Variants in KCNJ4 observed in about 807,000 individuals in gnomAD.
The protein encoded by KCNJ4 is potassium inwardly rectifying channel subfamily J member 4.
In KCNJ4, 3 loss-of-function variants were observed where a neutral mutation model predicts 25.6. That is an observed-to-expected ratio of 0.12 (90% confidence interval 0.05 to 0.30). The LOEUF (loss-of-function observed/expected upper bound fraction) is 0.30. KCNJ4 is among the 10% of genes least tolerant of loss of function. The pLI is 1.00. For synonymous variants in KCNJ4, 257 were observed against 283.9 expected, an observed-to-expected ratio of 0.91 and a Z score of 0.95; for missense variants, 286 against 666.8, an observed-to-expected ratio of 0.43 and a Z score of 6.29.
intron 1 of KCNJ4, among the ~76,000 whole-genome samples, chr22:38,429,459 G>T (rs2093042835): frequency 6.6e-6 from 1 of 152,192 alleles, no homozygotes; most frequent in Admixed American, 6.5e-5. Flanking sequence ...CACACCTCGG[G>T]CAATTCAGTT....
At chr22:38,432,346 T>C (rs1196887013) in intron 1 of KCNJ4, among the ~76,000 whole-genome samples, 3 of 152,076 alleles carry the variant, frequency 2.0e-5, no homozygotes, top group Admixed American at 2.0e-4. Flanking sequence ...TTTATCCCTA[T>C]GATTAAACCA....
chr22:38,442,086 G>A (rs184255498), intron 1 of KCNJ4, among the ~76,000 whole-genome samples: 1 of 152,250 alleles, frequency 6.6e-6, no homozygotes, highest in Non-Finnish European at 1.5e-5. Context: ...CTGCTCCGGG[G>A]AGGGAAAGCA....
intron 1 of KCNJ4, among the ~76,000 whole-genome samples, chr22:38,438,340 A>C (rs1035198710): frequency 1.4e-4 from 21 of 149,280 alleles, no homozygotes; most frequent in African/African-American, 4.7e-4. Context: ...GCAGAGGTTG[A>C]GGTCGTGCCA....
chr22:38,445,076 T>C lies in KCNJ4; in HGVS notation c.-40+9904A>G, dbSNP rs552910248. Among the ~76,000 whole-genome samples the C allele has an allele frequency of 4.0e-5, 6 of 151,608 alleles. No homozygotes were observed. The East Asian group carries it at 9.7e-4, about 25-fold the overall frequency. On this transcript the variant is annotated intron_variant, in intron 1 of 1. Coordinates refer to ENST00000303592, the MANE Select transcript of KCNJ4 (RefSeq NM_152868.3). The stretch of plus-strand genomic sequence containing the variant: ...GTGTGCGTGCATGCGTGTGTGTGCG[T>C]GTGTGTGTGTGAAAGGGCATAAAGA...
intron 1 of KCNJ4, among the ~76,000 whole-genome samples, chr22:38,453,515 C>T (rs1341208073): frequency 2.0e-5 from 3 of 152,300 alleles, no homozygotes; most frequent in South Asian, 4.1e-4. Context: ...CCCACGCCCA[C>T]CTCCACCCAC....
chr22:38,442,744 C>A (rs2089345519), intron 1 of KCNJ4, among the ~76,000 whole-genome samples: 1 of 152,030 alleles, frequency 6.6e-6, no homozygotes. Context: ...AGAAGCCTTT[C>A]TTTCTTTTTT....
rs201849924 is a variant in KCNJ4 at position 38,427,014 on chromosome 22, G to A, written c.1119C>T (p.Tyr373=). ...APPPPPSAFC[Y]ENELALMSQE... ...GGCTCATAAGGGCCAGCTCGTTCTC[G>A]TAGCAGAAGGCACTGGGAGGGGGCG... Residue 373 remains tyrosine, a synonymous_variant, in exon 2 of 2, where the codon TAC becomes TAT. Transcript: ENST00000303592. 8.8e-5 allele frequency: 142 copies of A among 1,612,636 alleles called. No homozygotes were observed. In the African/African-American group the frequency reaches 8.9e-4, roughly 10 times the overall value.
Position 38,450,570 on chromosome 22 carries a change from A to C in KCNJ4, c.-40+4410T>G, listed in dbSNP as rs2089404676. On this transcript the variant is annotated intron_variant, in intron 1 of 1. Coordinates refer to ENST00000303592, the MANE Select transcript of KCNJ4 (RefSeq NM_152868.3). ...CCTAGCTTGGAGCCAGCCCTCTCTCAGCCCTCTGCATTCCCGACCTCACAC... is the reference window on the plus strand; with the variant it reads ...CCTAGCTTGGAGCCAGCCCTCTCTCCGCCCTCTGCATTCCCGACCTCACAC... Among the ~76,000 whole-genome samples, 5 of 152,154 alleles carry C rather than the reference A, an allele frequency of 3.3e-5. No individual in the cohort carries two copies. The South Asian group carries it at 1.0e-3, about 32-fold the overall frequency.
intron 1 of KCNJ4, among the ~76,000 whole-genome samples, chr22:38,433,338 C>T (rs1321548939): frequency 6.6e-5 from 10 of 151,928 alleles, no homozygotes; most frequent in Non-Finnish European, 1.5e-4. Context: ...CCCAGCTACT[C>T]GGGAGGCTGA....
chr22:38,446,720 T>G (rs1452617357), intron 1 of KCNJ4, among the ~76,000 whole-genome samples: 1 of 152,106 alleles, frequency 6.6e-6, no homozygotes, highest in Non-Finnish European at 1.5e-5. Flanking sequence ...TTTGGGAGGC[T>G]GAGGTGGATG....
intron 1 of KCNJ4, among the ~76,000 whole-genome samples, chr22:38,436,899 A>T (rs1050878954): frequency 9.8e-5 from 15 of 152,336 alleles, no homozygotes; most frequent in Middle Eastern, 3.4e-3. Flanking sequence ...CTAACAAGGC[A>T]TGCTACTGTC....
chr22:38,445,143 A>C (rs1482702432), intron 1 of KCNJ4, among the ~76,000 whole-genome samples: 1 of 152,034 alleles, frequency 6.6e-6, no homozygotes, highest in Non-Finnish European at 1.5e-5. Context: ...GGGCACAAGG[A>C]CAGAGCAGGG....
intron 1 of KCNJ4, among the ~76,000 whole-genome samples, chr22:38,432,188 A>G (rs196063): frequency 0.19 from 28,498 of 151,256 alleles, 5,188 homozygotes; most frequent in African/African-American, 0.48. Flanking sequence ...CCTGGGAGGC[A>G]GAGGTTGCAG....
intron 1 of KCNJ4, among the ~76,000 whole-genome samples, chr22:38,451,145 C>T (rs1489322920): frequency 4.6e-5 from 7 of 152,200 alleles, no homozygotes; most frequent in Admixed American, 1.3e-4. Flanking sequence ...CGCTGGGAAG[C>T]GGGGAAGCGA....
At chr22:38,436,414 C>T (rs970657447) in intron 1 of KCNJ4, among the ~76,000 whole-genome samples, 1 of 152,188 alleles carries the variant, frequency 6.6e-6, no homozygotes, top group Non-Finnish European at 1.5e-5. Flanking sequence ...GGTGCTGTTC[C>T]ACACAGAGCT....
chr22:38,442,353 C>A (rs1238995619), intron 1 of KCNJ4, among the ~76,000 whole-genome samples: 3 of 151,968 alleles, frequency 2.0e-5, no homozygotes, highest in Non-Finnish European at 4.4e-5. Context: ...TCGAGACCAT[C>A]CTGGCTAACA....
At chr22:38,444,477 C>T (rs939725066) in intron 1 of KCNJ4, among the ~76,000 whole-genome samples, 8 of 152,220 alleles carry the variant, frequency 5.3e-5, no homozygotes, top group African/African-American at 1.7e-4. Context: ...GACAGGATGT[C>T]AGAGGGCTCA....
intron 1 of KCNJ4, among the ~76,000 whole-genome samples, chr22:38,447,353 G>A (rs1250700359): frequency 1.3e-5 from 2 of 152,160 alleles, no homozygotes; most frequent in South Asian, 2.1e-4. Context: ...ACTGCAGAAG[G>A]GTATCCATGG....
intron 1 of KCNJ4, among the ~76,000 whole-genome samples, chr22:38,448,638 C>CG (rs2089392176): frequency 6.6e-6 from 1 of 152,146 alleles, no homozygotes; most frequent in Admixed American, 6.5e-5. Flanking sequence ...GAGGAGGGGC[C>CG]GGCAGCCCTG....
Sources: gnomAD v4.1 joint callset for allele counts (sites outside exome capture counted in the v4.1 genomes callset) on GRCh38, gnomAD v4.1.1 for gene constraint, MANE v1.5 for transcripts, NCBI Gene and HGNC (gene_info 2026-07-23, HGNC 2026-07-21) for gene names.